The following ADGRL3 variants were observed in gnomAD, a reference collection of about 807,000 sequenced individuals.
ADGRL3 encodes the protein adhesion G protein-coupled receptor L3.
A neutral mutation model predicts 153.5 loss-of-function variants in ADGRL3; 62 were observed. That is an observed-to-expected ratio of 0.40 (90% CI 0.33 to 0.50). The LOEUF (loss-of-function observed/expected upper bound fraction) is 0.50, where lower values mean the gene tolerates loss of function less well. Ranked by LOEUF, ADGRL3 falls within the 20% of genes least tolerant of loss-of-function variation. The pLI is 0.47. For missense variants in ADGRL3, 1,641 were observed against 1,859.4 expected, an observed-to-expected ratio of 0.88 and a Z score of 2.16; for synonymous variants, 710 against 672.5, an observed-to-expected ratio of 1.06 and a Z score of -0.86.
In ADGRL3 at chr4:61,835,657, T is replaced by C. The variant is rs536624363; in HGVS notation, c.1480+21768T>C. Among the ~76,000 whole-genome samples the C allele has an allele frequency of 3.0e-4, 45 of 152,198 alleles. 1 individual carries two copies. Among genetic ancestry groups the C allele is most frequent in the African/African-American group, 1.1e-3 (44 of 41,544 alleles). On this transcript the variant is annotated intron_variant, in intron 9 of 26. Coordinates refer to ENST00000683033, the MANE Select transcript of ADGRL3 (RefSeq NM_001387552.1). Reference sequence around the variant, plus strand: ...AGTAAGGAGTTTCTTTTTTACAAGATTTGGAATCTCCCCATGGGTAGTTTA... The same window carrying C: ...AGTAAGGAGTTTCTTTTTTACAAGACTTGGAATCTCCCCATGGGTAGTTTA...
intron 9 of ADGRL3, among the ~76,000 whole-genome samples, chr4:61,886,879 T>C (rs569066889): frequency 5.9e-5 from 9 of 151,982 alleles, no homozygotes; most frequent in African/African-American, 1.9e-4. Context: ...ACTCCTGACC[T>C]CAGATGATCC....
intron 23 of ADGRL3, among the ~76,000 whole-genome samples, chr4:62,034,453 G>T (rs1290108165): frequency 1.3e-5 from 2 of 151,600 alleles, no homozygotes; most frequent in African/African-American, 4.8e-5. Flanking sequence ...TTAAAACTTT[G>T]GTCACATTTG....
Position 62,077,491 on chromosome 4 carries a change from C to T in ADGRL3, c.*6583C>T, listed in dbSNP as rs1197368766. The T allele has an allele frequency of 6.6e-6, 1 of 151,990 alleles. No homozygotes were observed. Among genetic ancestry groups the T allele is most frequent in the African/African-American group, 2.4e-5 (1 of 41,430 alleles). The allele number at this position is 151,990 out of a possible 1,614,324, so 9.4% of individuals were successfully genotyped here. On this transcript the variant is annotated 3_prime_UTR_variant, in exon 27 of 27. Transcript: ENST00000683033. ...TGTAAAACAGGCAAAATGATCCTGA[C>T]TTCAAAATGAAATATATTGATTGCT...
chr4:61,205,738 A>C (rs911506421), intron 1 of ADGRL3, among the ~76,000 whole-genome samples: 1 of 152,170 alleles, frequency 6.6e-6, no homozygotes, highest in African/African-American at 2.4e-5. Flanking sequence ...TTTGTCGGGT[A>C]GGGTAGGGTG....
At chr4:61,945,796 G>C (rs1469062827) in intron 15 of ADGRL3, among the ~76,000 whole-genome samples, 1 of 151,628 alleles carries the variant, frequency 6.6e-6, no homozygotes, top group African/African-American at 2.4e-5. Context: ...GCTTCGGCTC[G>C]CGCACGGTGC....
At chr4:61,728,985 A>T (rs1369366073) in intron 6 of ADGRL3, among the ~76,000 whole-genome samples, 3 of 151,992 alleles carry the variant, frequency 2.0e-5, no homozygotes. Context: ...ATTGAGGATG[A>T]TGATAAATAT....
chr4:61,368,404 A>G (rs1039240736), intron 1 of ADGRL3, among the ~76,000 whole-genome samples: 1 of 152,142 alleles, frequency 6.6e-6, no homozygotes, highest in Non-Finnish European at 1.5e-5. Flanking sequence ...TGATTTTTGT[A>G]TAAGGTGTAA....
chr4:61,242,595 A>G (rs900256899), intron 1 of ADGRL3, among the ~76,000 whole-genome samples: 18 of 152,060 alleles, frequency 1.2e-4, no homozygotes, highest in Admixed American at 5.9e-4. Flanking sequence ...GTCTTTGGGT[A>G]TATCAGTAAG....
intron 25 of ADGRL3, among the ~76,000 whole-genome samples, chr4:62,067,182 CA>C (rs1743400198): frequency 6.6e-6 from 1 of 151,956 alleles, no homozygotes; most frequent in Admixed American, 6.6e-5. Context: ...TTTAAAGAAC[CA>C]AAACTGTCTC....
chr4:61,398,879 T>C (rs1372620312), intron 2 of ADGRL3, among the ~76,000 whole-genome samples: 1 of 151,726 alleles, frequency 6.6e-6, no homozygotes, highest in African/African-American at 2.4e-5. Context: ...GTCTTTTATG[T>C]GTACTTTTTC....
chr4:61,827,622 G>A (rs953527342), intron 9 of ADGRL3, among the ~76,000 whole-genome samples: 3 of 152,174 alleles, frequency 2.0e-5, no homozygotes, highest in Admixed American at 6.6e-5. Flanking sequence ...GCTCTTGAGA[G>A]TGCAAACTAA....
chr4:61,758,510 T>A (rs907798349), intron 8 of ADGRL3, among the ~76,000 whole-genome samples: 2 of 152,294 alleles, frequency 1.3e-5, no homozygotes, highest in East Asian at 3.9e-4. Flanking sequence ...ACCCCTGCCT[T>A]TTTCTGTTTT....
chr4:61,775,586 T>G (rs1477041694), intron 8 of ADGRL3: 4 of 987,190 alleles, frequency 4.1e-6, no homozygotes, highest in African/African-American at 1.6e-5. Context: ...AGGCCTACCC[T>G]TTCCCCTAGT....
chr4:61,704,187 T>C (rs893477015), intron 6 of ADGRL3, among the ~76,000 whole-genome samples: 1 of 152,140 alleles, frequency 6.6e-6, no homozygotes, highest in Non-Finnish European at 1.5e-5. Context: ...CCAAGATTGA[T>C]TGAAAAAATG....
chr4:61,638,930 G>A (rs908553013), intron 5 of ADGRL3, among the ~76,000 whole-genome samples: 3 of 152,078 alleles, frequency 2.0e-5, no homozygotes, highest in Non-Finnish European at 4.4e-5. Flanking sequence ...TAATTTGAGT[G>A]GTCCCATGTC....
At position 62,071,563 on chromosome 4, in the gene ADGRL3, A is replaced by G. The variant is rs1316016431; in HGVS notation, c.*655A>G. Reference sequence around the variant, plus strand: ...AAAAGAAGTTGAGCAATTTCTATGTAATGTACAGATACTAGCATTGCACAT... The same window carrying G: ...AAAAGAAGTTGAGCAATTTCTATGTGATGTACAGATACTAGCATTGCACAT... On this transcript the variant is annotated 3_prime_UTR_variant, in exon 27 of 27. Coordinates refer to ENST00000683033, the MANE Select transcript of ADGRL3 (RefSeq NM_001387552.1). 9.2e-6 allele frequency: 2 copies of G among 217,454 alleles called. No individual in the cohort carries two copies. The highest frequency in any genetic ancestry group is 1.9e-5 in the Non-Finnish European group (2 of 106,702). 13.5% of individuals were successfully genotyped at this position (217,454 alleles called of 1,614,324 possible). A position where few individuals can be genotyped will look rare whatever the true frequency, so the allele number is the denominator to read the frequency against.
At chr4:61,587,484 C>T (rs1324548468) in intron 5 of ADGRL3, 44 bp downstream of exon 5, 2 of 1,353,430 alleles carry the variant, frequency 1.5e-6, no homozygotes, top group East Asian at 2.3e-5. Flanking sequence ...CAATATAAAC[C>T]TTCAACATCA....
intron 1 of ADGRL3, among the ~76,000 whole-genome samples, chr4:61,259,790 T>C (rs1419812075): frequency 2.6e-5 from 4 of 152,178 alleles, no homozygotes; most frequent in African/African-American, 9.7e-5. Flanking sequence ...TCATTGGAAA[T>C]CTTTGACATT....
intron 1 of ADGRL3, among the ~76,000 whole-genome samples, chr4:61,352,492 A>G (rs570113387): frequency 6.6e-6 from 1 of 151,550 alleles, no homozygotes; most frequent in African/African-American, 2.4e-5. Context: ...AGGTTCAATT[A>G]TCCTGCCTCA....
Sources: allele counts gnomAD v4.1 joint callset (sites outside exome capture counted in the v4.1 genomes callset), GRCh38; gene constraint gnomAD v4.1.1; transcripts MANE v1.5; gene names NCBI Gene and HGNC (gene_info 2026-07-23, HGNC 2026-07-21).